The following TENM2 variants were observed in gnomAD, a reference collection of about 807,000 sequenced individuals.
TENM2 encodes teneurin-2.
In TENM2, 52 loss-of-function variants were observed where a neutral mutation model predicts 245.2. The ratio of observed to expected loss-of-function variants is 0.21; its 90% CI spans 0.17 to 0.27. The LOEUF (loss-of-function observed/expected upper bound fraction) is 0.27, where lower values mean the gene tolerates loss of function less well. Among genes scored for constraint, TENM2 ranks in the 10% least tolerant of loss-of-function variants. The probability of loss-of-function intolerance (pLI) is 1.00; values close to 1 mark genes in which losing one functional copy is unlikely to be tolerated. For synonymous variants in TENM2, 1,363 were observed against 1,438.9 expected (o/e 0.95, Z 1.19); for missense variants, 3,046 against 3,666.8 (o/e 0.83, Z 4.37).
rs149634309 is a variant in TENM2 at position 167,451,075 on chromosome 5, T to C, written c.502+75602T>C. Among the ~76,000 whole-genome samples, 46 of 152,348 alleles carry C rather than the reference T, an allele frequency of 3.0e-4. No individual in the cohort carries two copies. The East Asian group carries it at 7.9e-3, about 26-fold the overall frequency. On this transcript the variant is annotated intron_variant, in intron 2 of 28. Transcript: ENST00000518659. The stretch of plus-strand genomic sequence containing the variant: ...ACTGTTTCGTAAAATGTATTTCCAC[T>C]TCTGTACAGGATGTCCATTAAATAA...
chr5:167,781,827 G>T (rs1188776071), intron 2 of TENM2, among the ~76,000 whole-genome samples: 1 of 150,162 alleles, frequency 6.7e-6, no homozygotes, highest in Non-Finnish European at 1.5e-5. Flanking sequence ...GACCAGTCTG[G>T]ACAACATGAC....
At chr5:167,636,981 C>T (rs750160893) in intron 2 of TENM2, among the ~76,000 whole-genome samples, 83 of 152,092 alleles carry the variant, frequency 5.5e-4, no homozygotes, top group Admixed American at 2.0e-4. Context: ...AAATGTGGCT[C>T]GGCTCTCTTA....
intron 1 of TENM2, among the ~76,000 whole-genome samples, chr5:167,334,796 A>G (rs1471949527): frequency 6.6e-6 from 1 of 152,158 alleles, no homozygotes; most frequent in African/African-American, 2.4e-5. Flanking sequence ...TGAAGCTCTG[A>G]TTTGCAAGCA....
intron 2 of TENM2, among the ~76,000 whole-genome samples, chr5:167,858,480 T>C (rs887512091): frequency 6.6e-6 from 1 of 152,240 alleles, no homozygotes; most frequent in African/African-American, 2.4e-5. Context: ...TTTCAGCATT[T>C]CTACCCTGGT....
chr5:168,189,560 G>C (rs143000764), intron 13 of TENM2, among the ~76,000 whole-genome samples: 1 of 152,192 alleles, frequency 6.6e-6, no homozygotes, highest in African/African-American at 2.4e-5. Context: ...GACAGAACCA[G>C]AAACTACTGC....
At chr5:167,181,466 TTGTGTGTG>T in the TENM2 span, among the ~76,000 whole-genome samples, 163 of 122,584 alleles carry the variant, frequency 1.3e-3, 3 homozygotes, top group South Asian at 0.012. Context: ...AGCCGCTCGT[TTGTGTGTG>T]TGTGTGTGTG....
the TENM2 span, among the ~76,000 whole-genome samples, chr5:167,253,793 T>C: frequency 6.6e-6 from 1 of 152,114 alleles, no homozygotes; most frequent in Non-Finnish European, 1.5e-5. Flanking sequence ...GTTGATTGTC[T>C]GACTGTCCTT....
intron 5 of TENM2, among the ~76,000 whole-genome samples, chr5:167,994,610 A>G (rs1783914411): frequency 6.6e-6 from 1 of 152,236 alleles, no homozygotes; most frequent in Non-Finnish European, 1.5e-5. Context: ...TGGAAAAATA[A>G]GCATTTATAT....
intron 2 of TENM2, among the ~76,000 whole-genome samples, chr5:167,474,068 C>G (rs2127517048): frequency 6.6e-6 from 1 of 152,196 alleles, no homozygotes; most frequent in East Asian, 1.9e-4. Context: ...AAAAATAAAG[C>G]TATTTCAAGG....
chr5:167,213,758 A>ATT, the TENM2 span, among the ~76,000 whole-genome samples: 1 of 152,198 alleles, frequency 6.6e-6, no homozygotes, highest in African/African-American at 2.4e-5. Context: ...AGTGTATATA[A>ATT]AACAAATATG....
intron 5 of TENM2, among the ~76,000 whole-genome samples, chr5:167,994,040 C>T (rs964587311): frequency 6.6e-6 from 1 of 152,276 alleles, no homozygotes; most frequent in Non-Finnish European, 1.5e-5. Context: ...CTGGCCCCAA[C>T]AAAGAGCCCC....
At chr5:167,519,240 C>G (rs1395530670) in intron 2 of TENM2, among the ~76,000 whole-genome samples, 1 of 152,014 alleles carries the variant, frequency 6.6e-6, no homozygotes, top group African/African-American at 2.4e-5. Flanking sequence ...GAACTTTTTC[C>G]AAGACAGAAA....
At chr5:168,153,007 T>C (rs1756793302) in intron 12 of TENM2, among the ~76,000 whole-genome samples, 1 of 152,184 alleles carries the variant, frequency 6.6e-6, no homozygotes, top group South Asian at 2.1e-4. Context: ...AAGAACACAG[T>C]GAAGCAGCAA....
the TENM2 span, among the ~76,000 whole-genome samples, chr5:167,091,340 G>GT: frequency 6.6e-6 from 1 of 152,240 alleles, no homozygotes; most frequent in Non-Finnish European, 1.5e-5. Flanking sequence ...TACTAAAGCC[G>GT]TATCAATTTT....
At chr5:168,083,923 C>G (rs971112224) in intron 7 of TENM2, among the ~76,000 whole-genome samples, 4 of 152,084 alleles carry the variant, frequency 2.6e-5, no homozygotes, top group Non-Finnish European at 4.4e-5. Flanking sequence ...CCCTCCCTCT[C>G]CGCCCTCTCT....
At chr5:167,911,543 C>G (rs896611295) in intron 3 of TENM2, among the ~76,000 whole-genome samples, 3 of 152,112 alleles carry the variant, frequency 2.0e-5, no homozygotes, top group Admixed American at 6.5e-5. Flanking sequence ...CAAAACAAAA[C>G]AAAACAAAAA....
chr5:167,920,515 T>TCACACACACACACACA (rs58866696), intron 3 of TENM2, among the ~76,000 whole-genome samples: 6 of 129,456 alleles, frequency 4.6e-5, no homozygotes, highest in South Asian at 2.9e-4. Flanking sequence ...CGAAACTCCA[T>TCACACACACACACACA]CACACACACA....
chr5:167,718,607 G>A (rs904167683), intron 2 of TENM2, among the ~76,000 whole-genome samples: 1 of 152,180 alleles, frequency 6.6e-6, no homozygotes, highest in African/African-American at 2.4e-5. Flanking sequence ...GGTTAAGTGA[G>A]TCTTGATATC....
the TENM2 span, among the ~76,000 whole-genome samples, chr5:167,132,917 G>T: frequency 6.6e-6 from 1 of 152,222 alleles, no homozygotes; most frequent in African/African-American, 2.4e-5. Flanking sequence ...GGTAACTTCA[G>T]TGGAAGTGTG....
Sources: gnomAD v4.1 joint callset for allele counts (sites outside exome capture counted in the v4.1 genomes callset) on GRCh38, gnomAD v4.1.1 for gene constraint, MANE v1.5 for transcripts, NCBI Gene and HGNC (gene_info 2026-07-23, HGNC 2026-07-21) for gene names.